Variants in ITIH5 observed in about 807,000 individuals in gnomAD.
ITIH5 encodes the protein inter-alpha-trypsin inhibitor heavy chain H5.
A neutral mutation model predicts 77.5 loss-of-function variants in ITIH5; 65 were observed. The ratio of observed to expected loss-of-function variants is 0.84; its 90% CI spans 0.69 to 1.03. The LOEUF (loss-of-function observed/expected upper bound fraction) is 1.03, where lower values mean the gene tolerates loss of function less well. ITIH5 is among the 50% of genes least tolerant of loss of function. The pLI, the probability that ITIH5 is intolerant of heterozygous loss-of-function variation, is 0.00. For missense variants in ITIH5, 1,208 were observed against 1,213.1 expected, an observed-to-expected ratio of 1.00 and a Z score of 0.06; for synonymous variants, 525 against 494.3, an observed-to-expected ratio of 1.06 and a Z score of -0.82.
At chr10:7,633,377 C>A (rs191040769) in intron 5 of ITIH5, among the ~76,000 whole-genome samples, 1 of 143,968 alleles carries the variant, frequency 6.9e-6, no homozygotes, top group East Asian at 2.0e-4. Context: ...TGGGTTCAAT[C>A]CTGATATATC....
chr10:7,577,597 G>A (rs1832450950), intron 9 of ITIH5, among the ~76,000 whole-genome samples: 1 of 152,210 alleles, frequency 6.6e-6, no homozygotes, highest in African/African-American at 2.4e-5. Flanking sequence ...TCAGAAACCT[G>A]ACTTTCGTGA....
chr10:7,593,357 G>C (rs1832832754), intron 7 of ITIH5, among the ~76,000 whole-genome samples: 1 of 141,136 alleles, frequency 7.1e-6, no homozygotes, highest in Non-Finnish European at 1.5e-5. Context: ...CAGCCACCCA[G>C]CCCCACTCAC....
chr10:7,606,797 C>T (rs141913048), intron 7 of ITIH5, among the ~76,000 whole-genome samples: 23 of 152,258 alleles, frequency 1.5e-4, no homozygotes, highest in African/African-American at 5.5e-4. Context: ...ATACTTCATC[C>T]GGGTAAATCT....
At chr10:7,564,938 CCATA>C (rs1832111073) in intron 13 of ITIH5, among the ~76,000 whole-genome samples, 1 of 139,560 alleles carries the variant, frequency 7.2e-6, no homozygotes, top group Non-Finnish European at 1.5e-5. Context: ...TATACACACA[CCATA>C]CATACACAGA....
In ITIH5 at chr10:7,576,954, TG is replaced by T; in HGVS notation, c.1476del (p.Ser493AlafsTer49). On this transcript the variant is annotated frameshift_variant, in exon 10 of 14. Coordinates refer to ENST00000397146, the MANE Select transcript of ITIH5 (RefSeq NM_030569.7). LOFTEE classifies it high-confidence loss of function. ...GTCTTGGTGGCCTGCACCACTGAGC[TG>T]GGGGGATAATCGATGCGGATGTCAG... is the stretch of plus-strand genomic sequence containing the variant. ...LLSDIRIDYP[P>X]SSVVQATKTL... 8 of 1,613,942 alleles carry T rather than the reference TG, an allele frequency of 5.0e-6. No individual in the cohort carries two copies. Among genetic ancestry groups the T allele is most frequent in the Non-Finnish European group, 6.8e-6 (8 of 1,179,942 alleles).
intron 8 of ITIH5, among the ~76,000 whole-genome samples, chr10:7,581,932 GTGGCGTGA>G (rs1173202993): frequency 7.0e-5 from 10 of 143,278 alleles, no homozygotes; most frequent in Middle Eastern, 7.5e-3. Context: ...GTGGAATGCA[GTGGCGTGA>G]TCTTGGCTCA....
intron 7 of ITIH5, among the ~76,000 whole-genome samples, chr10:7,596,570 G>A (rs1832902476): frequency 6.6e-6 from 1 of 152,102 alleles, no homozygotes; most frequent in Non-Finnish European, 1.5e-5. Flanking sequence ...AAGTTCAAGG[G>A]AACTCAGCAT....
chr10:7,574,807 A>AGG, intron 10 of ITIH5, among the ~76,000 whole-genome samples: 1 of 8,226 alleles, frequency 1.2e-4, no homozygotes, highest in Non-Finnish European at 3.2e-4. Context: ...AAAAAAAAAA[A>AGG]AAAAAAGCAA....
chr10:7,653,272 T>A (rs992748307), intron 2 of ITIH5, among the ~76,000 whole-genome samples: 6 of 152,166 alleles, frequency 3.9e-5, no homozygotes, highest in Non-Finnish European at 7.3e-5. Flanking sequence ...AGTGGTGCAA[T>A]CTCAGCTCAC....
rs1187859957 is a variant in ITIH5 at position 7,569,660 on chromosome 10, G to GAACT, written c.2149+4_2149+7dup. 6.3e-7 allele frequency: 1 copy of GAACT among 1,582,100 alleles called. No individual in the cohort carries two copies. Among genetic ancestry groups the GAACT allele is most frequent in the Non-Finnish European group, 8.6e-7 (1 of 1,160,616 alleles). On this transcript the variant is annotated splice_region_variant and intron_variant, in intron 12 of 13. Coordinates refer to ENST00000397146, the MANE Select transcript of ITIH5 (RefSeq NM_030569.7). ...TGCCCAGATGCTGCAGCGGAAGGTAGAACTTACCAGAGTCCCTGTGATCAG... is the reference window on the plus strand; with the variant it reads ...TGCCCAGATGCTGCAGCGGAAGGTAGAACTAACTTACCAGAGTCCCTGTGATCAG...
At chr10:7,642,227 C>T (rs1588422152) in intron 2 of ITIH5, 137 bp from the exon 3 acceptor site, 3 of 655,334 alleles carry the variant, frequency 4.6e-6, no homozygotes, top group East Asian at 5.7e-5. Context: ...AATTTCCTTT[C>T]TTCTTCTTTT....
At chr10:7,637,720 T>C (rs538525977) in intron 4 of ITIH5, among the ~76,000 whole-genome samples, 87 of 152,330 alleles carry the variant, frequency 5.7e-4, no homozygotes, top group African/African-American at 2.0e-3. Flanking sequence ...CTAAGAATAC[T>C]GTCCTACCTC....
intron 13 of ITIH5, among the ~76,000 whole-genome samples, chr10:7,563,840 G>A (rs1438116821): frequency 6.6e-6 from 1 of 152,234 alleles, no homozygotes; most frequent in Non-Finnish European, 1.5e-5. Context: ...GACTCTCCTG[G>A]TCAGATGGCA....
chr10:7,612,354 C>T (rs1484612289), intron 7 of ITIH5, among the ~76,000 whole-genome samples: 5 of 152,188 alleles, frequency 3.3e-5, no homozygotes, highest in African/African-American at 4.8e-5. Flanking sequence ...CCATACTTCA[C>T]TTGCTCAACA....
chr10:7,664,554 G>A (rs1359614723), intron 1 of ITIH5, among the ~76,000 whole-genome samples: 1 of 152,092 alleles, frequency 6.6e-6, no homozygotes, highest in Admixed American at 6.6e-5. Flanking sequence ...CCACCCCAAG[G>A]GTGAAAACCA....
chr10:7,563,172 G>C lies in ITIH5; in HGVS notation c.2740C>G (p.Leu914Val), dbSNP rs1426608321. ...CWFARNNAAK[L>V]IDGEYKDYLA... is the part of the protein sequence containing the mutation. Reference sequence around the variant, plus strand: ...TAATCCTTGTACTCCCCGTCAATCAGTTTGGCGGCATTGTTCCTGGCAAAC... The same window carrying C: ...TAATCCTTGTACTCCCCGTCAATCACTTTGGCGGCATTGTTCCTGGCAAAC... The change falls in exon 14 of 14, where the codon CTG becomes GTG. Residue 914 changes from leucine (L) to valine (V), a missense_variant. Leu to Val is a conservative substitution (Grantham distance 32). Coordinates refer to ENST00000397146, the MANE Select transcript of ITIH5 (RefSeq NM_030569.7). 1 of 1,614,166 alleles carries C rather than the reference G, an allele frequency of 6.2e-7. No homozygotes were observed. Among genetic ancestry groups the C allele is most frequent in the Non-Finnish European group, 8.5e-7 (1 of 1,179,992 alleles).
At chr10:7,629,459 A>G (rs953621141) in intron 5 of ITIH5, among the ~76,000 whole-genome samples, 1 of 145,070 alleles carries the variant, frequency 6.9e-6, no homozygotes, top group Admixed American at 6.9e-5. Context: ...ATGTTATCAT[A>G]TGTATCTGTG....
At chr10:7,637,836 A>T (rs2131074818) in intron 4 of ITIH5, among the ~76,000 whole-genome samples, 1 of 152,320 alleles carries the variant, frequency 6.6e-6, no homozygotes, top group East Asian at 1.9e-4. Context: ...TCCCTTTACA[A>T]GGATGGCCAA....
In ITIH5 at chr10:7,628,955, GTGTGTCCGTGTTGTAGCA is replaced by G. The variant is rs1460927752; in HGVS notation, c.652+8255_652+8272del. Among the ~76,000 whole-genome samples, 54 of 129,130 alleles carry G rather than the reference GTGTGTCCGTGTTGTAGCA, an allele frequency of 4.2e-4. 2 individuals are homozygous for G. Among genetic ancestry groups the G allele is most frequent in the East Asian group, 1.2e-3 (5 of 4,308 alleles). 84.7% of individuals were successfully genotyped at this position (129,130 alleles called of 152,430 possible). A position where few individuals can be genotyped will look rare whatever the true frequency, so the allele number is the denominator to read the frequency against. ...TTTTCACATGTGTCCATGTTGTAGC[GTGTGTCCGTGTTGTAGCA>G]TGTGTCCGTGTTGTGGCATGCATCC... On this transcript the variant is annotated intron_variant, in intron 5 of 13. Transcript: ENST00000397146.
Sources: allele counts gnomAD v4.1 joint callset (sites outside exome capture counted in the v4.1 genomes callset), GRCh38; gene constraint gnomAD v4.1.1; transcripts MANE v1.5; gene names NCBI Gene and HGNC (gene_info 2026-07-23, HGNC 2026-07-21).